C18orf63: variants seen among roughly 807,000 people sequenced by gnomAD.
The protein encoded by C18orf63 is chromosome 18 open reading frame 63.
C18orf63 carries 50 observed loss-of-function variants against 75.3 expected under a neutral mutation model. The ratio of observed to expected loss-of-function variants is 0.66; its 90% CI spans 0.53 to 0.84. C18orf63 has a LOEUF of 0.84. Ranked by LOEUF, C18orf63 falls within the 40% of genes least tolerant of loss-of-function variation. The pLI, the probability that C18orf63 is intolerant of heterozygous loss-of-function variation, is 0.00. For synonymous variants in C18orf63, 232 were observed against 267.6 expected (o/e 0.87, Z 1.30); for missense variants, 732 against 800.2 (o/e 0.91, Z 1.03).
intron 7 of C18orf63, among the ~76,000 whole-genome samples, chr18:74,332,880 ATAT>A (rs1568236785): frequency 6.6e-6 from 1 of 152,148 alleles, no homozygotes; most frequent in Non-Finnish European, 1.5e-5. Context: ...ATGAAGACTA[ATAT>A]TGTGGCTTAT....
intron 7 of C18orf63, among the ~76,000 whole-genome samples, chr18:74,337,366 T>C (rs1280102222): frequency 1.3e-5 from 2 of 152,108 alleles, no homozygotes; most frequent in Non-Finnish European, 2.9e-5. Flanking sequence ...TACTGGTACT[T>C]ACTGAGGTCC....
At chr18:74,324,365 A>C (rs1984173261) in intron 4 of C18orf63, among the ~76,000 whole-genome samples, 1 of 152,196 alleles carries the variant, frequency 6.6e-6, no homozygotes. Context: ...TATAGCTTAC[A>C]TTTATTTCAA....
chr18:74,329,842 G>T (rs151132510), intron 6 of C18orf63, among the ~76,000 whole-genome samples: 10 of 152,274 alleles, frequency 6.6e-5, no homozygotes, highest in Admixed American at 3.9e-4. Context: ...CTAAACAGTA[G>T]TCCAGAGATA....
At chr18:74,345,130 C>A (rs542188032) in intron 11 of C18orf63, among the ~76,000 whole-genome samples, 1 of 151,950 alleles carries the variant, frequency 6.6e-6, no homozygotes, top group East Asian at 1.9e-4. Flanking sequence ...TGCATTTTCC[C>A]GATTATTAAT....
intron 7 of C18orf63, among the ~76,000 whole-genome samples, chr18:74,334,703 C>G (rs1041749438): frequency 1.3e-5 from 2 of 152,014 alleles, no homozygotes; most frequent in East Asian, 1.9e-4. Context: ...TCTGGTTTCT[C>G]TTCCCTCCAG....
At chr18:74,346,208 G>A (rs1188766476) in intron 11 of C18orf63, among the ~76,000 whole-genome samples, 1 of 151,862 alleles carries the variant, frequency 6.6e-6, no homozygotes, top group African/African-American at 2.4e-5. Flanking sequence ...CTAAGATATG[G>A]GAATTTTCTA....
At chr18:74,324,903 G>T (rs1386152110) in intron 4 of C18orf63, among the ~76,000 whole-genome samples, 1 of 151,916 alleles carries the variant, frequency 6.6e-6, no homozygotes, top group Non-Finnish European at 1.5e-5. Context: ...TATTCACAAG[G>T]TTTCTTCCAG....
intron 4 of C18orf63, 48 bp downstream of exon 4, chr18:74,322,802 T>A: frequency 3.1e-6 from 2 of 651,898 alleles, no homozygotes; most frequent in Non-Finnish European, 4.7e-6. Context: ...TTATAGGGAT[T>A]ATACGTTCCA....
chr18:74,328,921 A>C, intron 5 of C18orf63, 74 bp from the exon 6 acceptor site: 1 of 827,326 alleles, frequency 1.2e-6, no homozygotes, highest in Non-Finnish European at 2.0e-6. Context: ...ATCTCACATC[A>C]AGCATAGTTA....
chr18:74,342,943 T>A (rs12957620), intron 10 of C18orf63, among the ~76,000 whole-genome samples: 77,682 of 151,986 alleles, frequency 0.51, 20,476 homozygotes, highest in Middle Eastern at 0.59. Flanking sequence ...AGCCTCAGTG[T>A]TGTCTTTTTG....
At chr18:74,318,139 G>A (rs1441036535) in intron 2 of C18orf63, 140 bp downstream of exon 2, 1 of 512,592 alleles carries the variant, frequency 2.0e-6, no homozygotes, top group Non-Finnish European at 3.2e-6. Context: ...GTCAGATTTT[G>A]TTTTGACCAG....
chr18:74,345,147 G>A (rs1984552098), intron 11 of C18orf63, among the ~76,000 whole-genome samples: 1 of 152,034 alleles, frequency 6.6e-6, no homozygotes, highest in South Asian at 2.1e-4. Flanking sequence ...TAATGAAATT[G>A]AACATCTTTT....
In C18orf63 at chr18:74,330,959, T is replaced by C; in HGVS notation, c.501+17T>C. 1 of 1,106,876 alleles carries C rather than the reference T, an allele frequency of 9.0e-7. No individual in the cohort carries two copies. The highest frequency in any genetic ancestry group is 1.2e-6 in the Non-Finnish European group (1 of 809,068). 68.6% of individuals were successfully genotyped at this position (1,106,876 alleles called of 1,614,324 possible). A position where few individuals can be genotyped will look rare whatever the true frequency, so the allele number is the denominator to read the frequency against. ...GCACCTGAGGTACCATATATTGTGA[T>C]TTCTATACTTTATTATATTTACTAT... On this transcript the variant is annotated intron_variant, in intron 7 of 13. Coordinates refer to ENST00000579455, the MANE Select transcript of C18orf63 (RefSeq NM_001174123.2).
intron 2 of C18orf63, among the ~76,000 whole-genome samples, chr18:74,319,595 A>C (rs1984085166): frequency 6.6e-6 from 1 of 152,150 alleles, no homozygotes; most frequent in Non-Finnish European, 1.5e-5. Context: ...TGGCTGTTGA[A>C]ACCACTACCC....
At chr18:74,328,206 T>A (rs1984241673) in intron 5 of C18orf63, 148 bp downstream of exon 5, 1 of 579,658 alleles carries the variant, frequency 1.7e-6, no homozygotes, top group Admixed American at 3.0e-5. Context: ...CAGTTCCACA[T>A]GGCTGGAGAG....
intron 7 of C18orf63, among the ~76,000 whole-genome samples, chr18:74,337,049 T>C (rs1190875295): frequency 6.6e-6 from 1 of 152,078 alleles, no homozygotes; most frequent in African/African-American, 2.4e-5. Context: ...AATTTTTCCT[T>C]ACAATGTCAA....
intron 13 of C18orf63, among the ~76,000 whole-genome samples, chr18:74,356,208 G>A (rs773188543): frequency 3.3e-5 from 5 of 152,102 alleles, no homozygotes; most frequent in African/African-American, 4.8e-5. Flanking sequence ...GGCTTTTAGT[G>A]TATTCATCAT....
intron 7 of C18orf63, among the ~76,000 whole-genome samples, chr18:74,332,566 G>A (rs777103088): frequency 2.0e-5 from 3 of 152,030 alleles, no homozygotes; most frequent in Non-Finnish European, 4.4e-5. Context: ...AGCTGGGCAT[G>A]GTGGTGCATT....
Position 74,322,668 on chromosome 18 carries a change from C to T in C18orf63, c.214-30C>T, listed in dbSNP as rs879289289. On this transcript the variant is annotated intron_variant, in intron 3 of 13. Transcript: ENST00000579455. Reference sequence around the variant, plus strand: ...TTAATTATATATATATATGTTAAGTCCTTTTTATAAATGTGGATTTTTGTT... The same window carrying T: ...TTAATTATATATATATATGTTAAGTTCTTTTTATAAATGTGGATTTTTGTT... 3 of 846,978 alleles carry T rather than the reference C, an allele frequency of 3.5e-6. No individual in the cohort carries two copies. The East Asian group carries it at 8.2e-5, about 23-fold the overall frequency. The allele number at this position is 846,978 out of a possible 1,614,324, so 52.5% of individuals were successfully genotyped here.
Sources: allele counts gnomAD v4.1 joint callset (sites outside exome capture counted in the v4.1 genomes callset), GRCh38; gene constraint gnomAD v4.1.1; transcripts MANE v1.5; gene names NCBI Gene and HGNC (gene_info 2026-07-23, HGNC 2026-07-21).